USP34: variants seen among roughly 807,000 people sequenced by gnomAD.
USP34 encodes the protein ubiquitin carboxyl-terminal hydrolase 34.
Under a neutral mutation model 460.3 loss-of-function variants are expected in USP34, and 70 were observed. That is an observed-to-expected ratio of 0.15 (90% CI 0.13 to 0.19). The LOEUF (loss-of-function observed/expected upper bound fraction) is 0.19. Ranked by LOEUF, USP34 falls within the 10% of genes least tolerant of loss-of-function variation. The pLI, the probability that USP34 is intolerant of heterozygous loss-of-function variation, is 1.00. For synonymous variants in USP34, 1,647 were observed against 1,405.3 expected, an observed-to-expected ratio of 1.17 and a Z score of -3.85; for missense variants, 3,985 against 4,236.2, an observed-to-expected ratio of 0.94 and a Z score of 1.65.
rs565333989 is a variant in USP34, at chr2:61,351,415, G to C, written c.1252-722C>G. 3.9e-4 allele frequency among the ~76,000 whole-genome samples: 59 copies of C among 152,094 alleles called. No homozygotes were observed. In the Middle Eastern group the frequency reaches 0.01, roughly 26 times the overall value. On this transcript the variant is annotated intron_variant, in intron 10 of 79. Transcript: ENST00000398571. Reference sequence around the variant, plus strand: ...AATAAACACAAACATGTAAATTCATGAGGGACAATATTTATGAAGATATAA... The same window carrying C: ...AATAAACACAAACATGTAAATTCATCAGGGACAATATTTATGAAGATATAA...
intron 43 of USP34, among the ~76,000 whole-genome samples, chr2:61,264,458 G>C (rs955319542): frequency 2.6e-5 from 4 of 151,998 alleles, no homozygotes; most frequent in African/African-American, 9.7e-5. Context: ...AACACAGTGA[G>C]ACCCTGTCTC....
chr2:61,410,991 TA>T (rs199969470), intron 2 of USP34, among the ~76,000 whole-genome samples: 1 of 151,810 alleles, frequency 6.6e-6, no homozygotes, highest in Admixed American at 6.6e-5. Flanking sequence ...GTTCCCATCC[TA>T]AAAAAAACAA....
intron 1 of USP34, among the ~76,000 whole-genome samples, chr2:61,470,011 C>G (rs543948950): frequency 6.6e-6 from 1 of 152,264 alleles, no homozygotes; most frequent in South Asian, 2.1e-4. Context: ...ACAGAATGTA[C>G]CATTAAAGCG....
intron 68 of USP34, among the ~76,000 whole-genome samples, chr2:61,213,405 CTATAA>C (rs1221835147): frequency 6.6e-6 from 1 of 152,060 alleles, no homozygotes; most frequent in African/African-American, 2.4e-5. Context: ...AAAAGACCGT[CTATAA>C]AGGACGGTCT....
At chr2:61,359,350 G>GT (rs1341430735) in intron 10 of USP34, among the ~76,000 whole-genome samples, 1 of 152,154 alleles carries the variant, frequency 6.6e-6, no homozygotes, top group East Asian at 1.9e-4. Context: ...GGGAAGGACA[G>GT]TTTTTTCAAC....
intron 59 of USP34, 72 bp downstream of exon 59, chr2:61,229,475 AC>A (rs879033207): frequency 0.11 from 75,903 of 672,182 alleles, 5,537 homozygotes; most frequent in East Asian, 0.23. Flanking sequence ...AAAAAAAAAA[AC>A]AAAAAAAAAA....
At chr2:61,388,829 T>C (rs1204939547) in intron 5 of USP34, among the ~76,000 whole-genome samples, 2 of 152,044 alleles carry the variant, frequency 1.3e-5, no homozygotes. Context: ...CATTTACTTC[T>C]AGATATACAT....
At chr2:61,347,637 G>C (rs989390999) in intron 15 of USP34, among the ~76,000 whole-genome samples, 3 of 152,182 alleles carry the variant, frequency 2.0e-5, no homozygotes, top group African/African-American at 7.2e-5. Flanking sequence ...GCCTCCCAAA[G>C]TGCTGGGATT....
At chr2:61,449,112 G>A (rs541037652) in intron 1 of USP34, among the ~76,000 whole-genome samples, 21 of 151,998 alleles carry the variant, frequency 1.4e-4, no homozygotes, top group South Asian at 6.2e-4. Context: ...AGCCAAGATC[G>A]TGCCACTGCA....
At chr2:61,341,477 C>A (rs2103758410) in intron 16 of USP34, among the ~76,000 whole-genome samples, 1 of 152,254 alleles carries the variant, frequency 6.6e-6, no homozygotes, top group East Asian at 1.9e-4. Flanking sequence ...GAGAGCAGAT[C>A]CCTCATGAAT....
chr2:61,278,121 T>A (rs770776205), intron 41 of USP34, 44 bp downstream of exon 41: 7 of 1,601,044 alleles, frequency 4.4e-6, no homozygotes, highest in Middle Eastern at 3.6e-4. Context: ...AACAAAAAAT[T>A]TCAATCACAT....
At position 61,470,835 on chromosome 2, in the gene USP34, G is replaced by A; in HGVS notation, c.-143C>T. 1 of 508,404 alleles carries A rather than the reference G, an allele frequency of 2.0e-6. No homozygotes were observed. The highest frequency in any genetic ancestry group is 3.5e-6 in the Non-Finnish European group (1 of 283,994). 31.5% of individuals were successfully genotyped at this position (508,404 alleles called of 1,614,324 possible). A position where few individuals can be genotyped will look rare whatever the true frequency, so the allele number is the denominator to read the frequency against. On this transcript the variant is annotated 5_prime_UTR_variant, in exon 1 of 80. Transcript: ENST00000398571. ...GACTAGGGCGGGCGGCGGCGGGGAC[G>A]GGGCGGGGAGCAAGAGAATGGGGGA...
chr2:61,370,918 C>A, intron 8 of USP34, among the ~76,000 whole-genome samples: 1 of 152,144 alleles, frequency 6.6e-6, no homozygotes, highest in East Asian at 1.9e-4. Context: ...TTGAAGCACT[C>A]AGGAAAGGTT....
intron 21 of USP34, among the ~76,000 whole-genome samples, chr2:61,320,240 A>T (rs760644813): frequency 6.6e-6 from 1 of 152,218 alleles, no homozygotes; most frequent in Non-Finnish European, 1.5e-5. Context: ...TGGGTGGCCA[A>T]ATCGTATCCC....
Position 61,327,535 on chromosome 2 carries a change from C to A in USP34, c.2931-2078G>T, listed in dbSNP as rs1007766342. On this transcript the variant is annotated intron_variant, in intron 20 of 79. Coordinates refer to ENST00000398571, the MANE Select transcript of USP34 (RefSeq NM_014709.4). Reference sequence around the variant, plus strand: ...TTCTGCGGTTTTACGTTACTGTATCCTCTTGCCTTGTCTATGGGACATCAA... The same window carrying A: ...TTCTGCGGTTTTACGTTACTGTATCATCTTGCCTTGTCTATGGGACATCAA... 6.6e-5 allele frequency among the ~76,000 whole-genome samples: 10 copies of A among 152,310 alleles called. 1 individual carries two copies. The South Asian group carries it at 2.1e-3, about 32-fold the overall frequency.
At chr2:61,330,872 A>T (rs1272063340) in intron 20 of USP34, among the ~76,000 whole-genome samples, 1 of 152,172 alleles carries the variant, frequency 6.6e-6, no homozygotes, top group Non-Finnish European at 1.5e-5. Flanking sequence ...ACTAGTATGC[A>T]ATTATAATAA....
intron 61 of USP34, 38 bp downstream of exon 61, chr2:61,228,607 A>G: frequency 6.4e-7 from 1 of 1,566,488 alleles, no homozygotes; most frequent in East Asian, 2.2e-5. Flanking sequence ...TGAAAACCAG[A>G]GCCTCTAATA....
intron 1 of USP34, 121 bp from the exon 2 acceptor site, chr2:61,420,954 C>G: frequency 1.7e-6 from 1 of 588,202 alleles, no homozygotes; most frequent in Non-Finnish European, 2.7e-6. Context: ...CTTTTGCTTC[C>G]AAAGAAAATA....
At chr2:61,245,716 G>A (rs1395672247) in intron 50 of USP34, among the ~76,000 whole-genome samples, 1 of 151,996 alleles carries the variant, frequency 6.6e-6, no homozygotes, top group Non-Finnish European at 1.5e-5. Flanking sequence ...GTGAAGGAGT[G>A]AAAAATAACT....
Sources: allele counts gnomAD v4.1 joint callset (sites outside exome capture counted in the v4.1 genomes callset), GRCh38; gene constraint gnomAD v4.1.1; transcripts MANE v1.5; gene names NCBI Gene and HGNC (gene_info 2026-07-23, HGNC 2026-07-21).